The following NARS1 variants were observed in gnomAD, a reference collection of about 807,000 sequenced individuals.
The protein encoded by NARS1 is asparagine--tRNA ligase, cytoplasmic.
A neutral mutation model predicts 79.2 loss-of-function variants in NARS1; 65 were observed. That is an observed-to-expected ratio of 0.82 (90% confidence interval 0.67 to 1.01). The LOEUF (loss-of-function observed/expected upper bound fraction) is 1.01, where lower values mean the gene tolerates loss of function less well. Ranked by LOEUF, NARS1 falls within the 50% of genes least tolerant of loss-of-function variation. NARS1 has a pLI of 0.00. For missense variants in NARS1, 649 were observed against 673.8 expected, an observed-to-expected ratio of 0.96 and a Z score of 0.41; for synonymous variants, 229 against 238.8, an observed-to-expected ratio of 0.96 and a Z score of 0.38.
Position 57,602,860 on chromosome 18 carries a change from C to T in NARS1, c.1335G>A (p.Lys445=), listed in dbSNP as rs140268276. The T allele has an allele frequency of 2.5e-6, 4 of 1,613,918 alleles. No individual in the cohort carries two copies. In the African/African-American group the frequency reaches 4.0e-5, roughly 16 times the overall value. ...ILLCRFPVEI[K]SFYMQRCPED... ...CAGGACATCGCTGCATGTAGAAGGA[C>T]TTGATCTCCACAGGAAATCGACACA... The change falls in exon 12 of 14, where the codon AAG becomes AAA. Residue 445 remains lysine, a synonymous_variant. Coordinates refer to ENST00000256854, the MANE Select transcript of NARS1 (RefSeq NM_004539.4).
intron 2 of NARS1, 104 bp downstream of exon 2, chr18:57,620,465 T>C: frequency 5.4e-6 from 4 of 745,848 alleles, no homozygotes; most frequent in Non-Finnish European, 9.2e-6. Flanking sequence ...GAAAATTCTC[T>C]TTGGAACCTA....
chr18:57,616,501 C>A (rs1291060449), intron 2 of NARS1, among the ~76,000 whole-genome samples: 1 of 151,776 alleles, frequency 6.6e-6, no homozygotes, highest in Non-Finnish European at 1.5e-5. Context: ...ACAGCAAGTT[C>A]GGGTATACAC....
intron 5 of NARS1, among the ~76,000 whole-genome samples, chr18:57,612,807 T>C (rs2051615427): frequency 6.6e-6 from 1 of 151,956 alleles, no homozygotes; most frequent in Non-Finnish European, 1.5e-5. Flanking sequence ...TTATATATTA[T>C]AAAATATATA....
intron 2 of NARS1, among the ~76,000 whole-genome samples, chr18:57,617,384 A>G (rs1389918915): frequency 3.3e-5 from 5 of 151,116 alleles, no homozygotes; most frequent in African/African-American, 1.2e-4. Context: ...CATCCTGGCT[A>G]ACATGGTGAA....
chr18:57,607,029 T>C (rs2051563660), intron 9 of NARS1, 105 bp downstream of exon 9: 1 of 1,223,464 alleles, frequency 8.2e-7, no homozygotes, highest in Non-Finnish European at 1.1e-6. Context: ...CCACTTAATA[T>C]ATCAGTTGGT....
intron 2 of NARS1, among the ~76,000 whole-genome samples, chr18:57,618,633 G>C (rs118145669): frequency 0.016 from 2,504 of 152,198 alleles, 34 homozygotes; most frequent in Non-Finnish European, 0.025. Context: ...CAGGAGTGGC[G>C]GCTCACACCT....
At chr18:57,616,828 C>A (rs970263591) in intron 2 of NARS1, among the ~76,000 whole-genome samples, 4 of 151,664 alleles carry the variant, frequency 2.6e-5, no homozygotes, top group Non-Finnish European at 4.4e-5. Context: ...CAGTGAAACC[C>A]TGTCTCTACT....
At chr18:57,609,824 G>A (rs1041561751) in intron 6 of NARS1, among the ~76,000 whole-genome samples, 1 of 152,194 alleles carries the variant, frequency 6.6e-6, no homozygotes, top group Non-Finnish European at 1.5e-5. Flanking sequence ...AGGAGGCTAA[G>A]TTGAGAGGCT....
In NARS1 at chr18:57,601,436, C is replaced by T. The variant is rs2051504740; in HGVS notation, c.*216G>A. 2 of 406,400 alleles carry T rather than the reference C, an allele frequency of 4.9e-6. No individual in the cohort carries two copies. The highest frequency in any genetic ancestry group is 4.0e-5 in the East Asian group (1 of 24,752). The allele number at this position is 406,400 out of a possible 1,614,324, so 25.2% of individuals were successfully genotyped here. A position where few individuals can be genotyped will look rare whatever the true frequency, so the allele number is the denominator to read the frequency against. On this transcript the variant is annotated 3_prime_UTR_variant, in exon 14 of 14. Transcript: ENST00000256854. ...AGGTATTTTCCCCGAACTTTGTTTC[C>T]CGAACTTAAGAAAAAAATGGATATT... is the stretch of plus-strand genomic sequence containing the variant.
At chr18:57,605,623 A>G (rs1257870591) in intron 11 of NARS1, among the ~76,000 whole-genome samples, 2 of 151,382 alleles carry the variant, frequency 1.3e-5, no homozygotes, top group East Asian at 2.0e-4. Flanking sequence ...AAAAAAAAAA[A>G]AAAAAGAAAA....
intron 10 of NARS1, 37 bp downstream of exon 10, chr18:57,606,579 G>A (rs755243495): frequency 5.7e-6 from 9 of 1,580,282 alleles, no homozygotes; most frequent in South Asian, 2.3e-5. Context: ...TCCAAAAAAG[G>A]ACTGTGACTT....
chr18:57,620,695 A>G (rs368386670), intron 1 of NARS1, 44 bp from the exon 2 acceptor site: 6 of 1,163,610 alleles, frequency 5.2e-6, no homozygotes, highest in Admixed American at 3.8e-5. Flanking sequence ...GCCATTAACT[A>G]TTAGTCACCT....
At chr18:57,618,208 G>A (rs889910941) in intron 2 of NARS1, among the ~76,000 whole-genome samples, 2 of 147,962 alleles carry the variant, frequency 1.4e-5, no homozygotes, top group South Asian at 4.3e-4. Flanking sequence ...AGAATTGCTT[G>A]AACCCAGAAG....
At chr18:57,608,233 G>A (rs867300504) in intron 7 of NARS1, among the ~76,000 whole-genome samples, 1 of 151,794 alleles carries the variant, frequency 6.6e-6, no homozygotes, top group African/African-American at 2.4e-5. Flanking sequence ...GGTGGATAAC[G>A]AGGTCAGGAA....
chr18:57,609,465 A>G (rs1402954666), intron 6 of NARS1, 22 bp from the exon 7 acceptor site: 1 of 1,591,010 alleles, frequency 6.3e-7, no homozygotes, highest in East Asian at 2.2e-5. Context: ...TCAAAGCTCA[A>G]ATTTAGTTAT....
intron 10 of NARS1, 39 bp downstream of exon 10, chr18:57,606,577 A>T: frequency 6.3e-7 from 1 of 1,579,668 alleles, no homozygotes; most frequent in Non-Finnish European, 8.6e-7. Flanking sequence ...CTTCCAAAAA[A>T]GGACTGTGAC....
At chr18:57,611,586 A>T (rs553951789) in intron 6 of NARS1, 51 bp downstream of exon 6, 1 of 1,193,110 alleles carries the variant, frequency 8.4e-7, no homozygotes, top group African/African-American at 1.6e-5. Flanking sequence ...ACAATAAAGG[A>T]ATCTACTGAA....
intron 6 of NARS1, among the ~76,000 whole-genome samples, chr18:57,610,486 A>G (rs1455278095): frequency 6.6e-6 from 1 of 152,194 alleles, no homozygotes; most frequent in Non-Finnish European, 1.5e-5. Flanking sequence ...AAAAAAAAGA[A>G]AAAGACAACC....
At chr18:57,612,816 T>C (rs761867197) in intron 5 of NARS1, among the ~76,000 whole-genome samples, 1 of 151,992 alleles carries the variant, frequency 6.6e-6, no homozygotes, top group Non-Finnish European at 1.5e-5. Context: ...ATAAAATATA[T>C]AATAAAAGGG....
Sources: gnomAD v4.1 joint callset for allele counts (sites outside exome capture counted in the v4.1 genomes callset) on GRCh38, gnomAD v4.1.1 for gene constraint, MANE v1.5 for transcripts, NCBI Gene and HGNC (gene_info 2026-07-23, HGNC 2026-07-21) for gene names.